COL11A1: variants seen among roughly 807,000 people sequenced by gnomAD.
COL11A1 encodes the protein collagen type XI alpha 1 chain.
In COL11A1, 74 loss-of-function variants were observed where a neutral mutation model predicts 265.2. The ratio of observed to expected loss-of-function variants is 0.28; its 90% CI spans 0.23 to 0.34. COL11A1 has a LOEUF of 0.34. COL11A1 is among the 10% of genes least tolerant of loss of function. The pLI is 1.00. For missense variants in COL11A1, 2,165 were observed against 2,263.6 expected (o/e 0.96, Z 0.88); for synonymous variants, 816 against 727.6 (o/e 1.12, Z -1.96).
intron 61 of COL11A1, 29 bp downstream of exon 61, chr1:102,888,694 A>T: frequency 6.2e-7 from 1 of 1,613,916 alleles, no homozygotes; most frequent in Non-Finnish European, 8.5e-7. Context: ...TCAATGCAAA[A>T]TTAAATTGTC....
intron 1 of COL11A1, among the ~76,000 whole-genome samples, chr1:103,084,089 T>C (rs1571242293): frequency 1.3e-5 from 2 of 152,174 alleles, no homozygotes; most frequent in Admixed American, 1.3e-4. Context: ...TTAATTGTGA[T>C]CAATACATAT....
Position 102,939,158 on chromosome 1 carries a change from CA to C in COL11A1, c.3385-71del. The C allele has an allele frequency of 2.2e-6, 3 of 1,348,306 alleles. No homozygotes were observed. The South Asian group carries it at 3.5e-5, about 16-fold the overall frequency. 83.5% of individuals were successfully genotyped at this position (1,348,306 alleles called of 1,614,324 possible). On this transcript the variant is annotated intron_variant, in intron 43 of 66. Coordinates refer to ENST00000370096, the MANE Select transcript of COL11A1 (RefSeq NM_001854.4). ...TTGCATTGTCTTAATTATCATCAAA[CA>C]GTTAAATTTTACCTTTAATATAATT...
intron 29 of COL11A1, among the ~76,000 whole-genome samples, chr1:102,988,638 A>G (rs1031031387): frequency 2.6e-5 from 4 of 152,172 alleles, no homozygotes; most frequent in Non-Finnish European, 1.5e-5. Context: ...CAATCTTTTC[A>G]TATTTAATAA....
At chr1:102,892,622 T>C (rs1651912533) in intron 57 of COL11A1, among the ~76,000 whole-genome samples, 1 of 152,198 alleles carries the variant, frequency 6.6e-6, no homozygotes, top group African/African-American at 2.4e-5. Flanking sequence ...CTCCCTATTC[T>C]TTAGTTTCTG....
chr1:102,913,404 A>T (rs953279334), intron 53 of COL11A1, among the ~76,000 whole-genome samples: 5 of 152,192 alleles, frequency 3.3e-5, no homozygotes, highest in Non-Finnish European at 5.9e-5. Flanking sequence ...CCTTATTAGT[A>T]TAATATGATT....
At chr1:103,098,398 C>T (rs2102404636) in intron 1 of COL11A1, among the ~76,000 whole-genome samples, 1 of 151,740 alleles carries the variant, frequency 6.6e-6, no homozygotes, top group Middle Eastern at 3.4e-3. Context: ...GTTTGTAAAC[C>T]CCTGCTTCTG....
intron 4 of COL11A1, among the ~76,000 whole-genome samples, chr1:103,067,143 G>T (rs563242182): frequency 6.6e-6 from 1 of 151,994 alleles, no homozygotes; most frequent in East Asian, 1.9e-4. Context: ...TATAAGGAAA[G>T]ATCTAAGTGA....
At chr1:103,028,688 C>A (rs866876883) in intron 5 of COL11A1, among the ~76,000 whole-genome samples, 8 of 152,184 alleles carry the variant, frequency 5.3e-5, no homozygotes, top group Middle Eastern at 3.4e-3. Context: ...TCTGTTCTTA[C>A]ATAATTTGTA....
chr1:103,071,302 A>T (rs1671565186), intron 4 of COL11A1, among the ~76,000 whole-genome samples: 1 of 151,938 alleles, frequency 6.6e-6, no homozygotes, highest in South Asian at 2.1e-4. Flanking sequence ...CAATGGCTAT[A>T]ACTTGCTATT....
intron 15 of COL11A1, 53 bp from the exon 16 acceptor site, chr1:103,006,368 C>A: frequency 7.2e-7 from 1 of 1,387,590 alleles, no homozygotes; most frequent in East Asian, 2.4e-5. Flanking sequence ...GATCAATAAA[C>A]TCAATAGCAT....
chr1:103,101,835 T>C (rs1430508768), intron 1 of COL11A1, among the ~76,000 whole-genome samples: 1 of 152,130 alleles, frequency 6.6e-6, no homozygotes, highest in Non-Finnish European at 1.5e-5. Flanking sequence ...TGTCAAGTCG[T>C]ATTTAAGCTG....
intron 39 of COL11A1, 105 bp downstream of exon 39, chr1:102,962,548 C>A: frequency 1.0e-6 from 1 of 1,001,240 alleles, no homozygotes; most frequent in Non-Finnish European, 1.6e-6. Context: ...TTTCCTGACA[C>A]ATCTTCTGAC....
intron 3 of COL11A1, among the ~76,000 whole-genome samples, chr1:103,076,690 T>C (rs1326254222): frequency 1.3e-5 from 2 of 152,158 alleles, no homozygotes; most frequent in Non-Finnish European, 2.9e-5. Context: ...GATTCATTCA[T>C]ATTAAACTGT....
chr1:102,925,117 C>T (rs543541089), intron 46 of COL11A1, among the ~76,000 whole-genome samples: 1 of 152,144 alleles, frequency 6.6e-6, no homozygotes, highest in African/African-American at 2.4e-5. Context: ...ACTTTCGTGA[C>T]ATTACTGACT....
chr1:102,949,419 TTC>T (rs1201615007), intron 41 of COL11A1, among the ~76,000 whole-genome samples: 1 of 150,282 alleles, frequency 6.7e-6, no homozygotes, highest in Non-Finnish European at 1.5e-5. Flanking sequence ...CATAAAATTT[TTC>T]TCTCTTTAAT....
At chr1:103,076,744 T>C (rs941111971) in intron 3 of COL11A1, among the ~76,000 whole-genome samples, 1 of 152,166 alleles carries the variant, frequency 6.6e-6, no homozygotes, top group Non-Finnish European at 1.5e-5. Flanking sequence ...CTTGATTTAT[T>C]TTCGTTCAAA....
intron 1 of COL11A1, among the ~76,000 whole-genome samples, chr1:103,085,659 C>T (rs558963408): frequency 6.6e-6 from 1 of 152,272 alleles, no homozygotes; most frequent in East Asian, 1.9e-4. Flanking sequence ...CAGAGTAGAC[C>T]ATATGCTGGC....
Position 102,934,014 on chromosome 1 carries a change from G to A in COL11A1, c.3600+435C>T, listed in dbSNP as rs144769567. ...TGGCACTCCCTAGTGAGATGAACCC[G>A]GTACCTCAGATGAAAATGCAGAAAT... On this transcript the variant is annotated intron_variant, in intron 46 of 66. Coordinates refer to ENST00000370096, the MANE Select transcript of COL11A1 (RefSeq NM_001854.4). Among the ~76,000 whole-genome samples, 966 of 152,152 alleles carry A rather than the reference G, an allele frequency of 6.3e-3. 18 individuals carry two copies. The highest frequency in any genetic ancestry group is 0.021 in the African/African-American group (886 of 41,466).
At position 102,978,800 on chromosome 1, in the gene COL11A1, A is replaced by G. The variant is rs184172169; in HGVS notation, c.2710-48T>C. 181 of 1,613,910 alleles carry G rather than the reference A, an allele frequency of 1.1e-4. No homozygotes were observed. In the East Asian group the frequency reaches 3.4e-3, roughly 30 times the overall value. ...AAAATCAGTTTGAATTCTTTCTCAT[A>G]GCATCTGCCTGGAAAAAAAATCTAC... On this transcript the variant is annotated intron_variant, in intron 34 of 66. Coordinates refer to ENST00000370096, the MANE Select transcript of COL11A1 (RefSeq NM_001854.4).
Sources: allele counts gnomAD v4.1 joint callset (sites outside exome capture counted in the v4.1 genomes callset), GRCh38; gene constraint gnomAD v4.1.1; transcripts MANE v1.5; gene names NCBI Gene and HGNC (gene_info 2026-07-23, HGNC 2026-07-21).